GRM5: variants seen among roughly 807,000 people sequenced by gnomAD.
The protein encoded by GRM5 is glutamate metabotropic receptor 5, also known as metabotropic glutamate receptor 5.
A neutral mutation model predicts 83.1 loss-of-function variants in GRM5; 19 were observed. That is an observed-to-expected ratio of 0.23 (90% CI 0.16 to 0.34). The LOEUF (loss-of-function observed/expected upper bound fraction) is 0.34, where lower values mean the gene tolerates loss of function less well. GRM5 is among the 10% of genes least tolerant of loss of function. The pLI, the probability that GRM5 is intolerant of heterozygous loss-of-function variation, is 1.00. For missense variants in GRM5, 1,160 were observed against 1,588.3 expected (o/e 0.73, Z 4.58); for synonymous variants, 675 against 633.6 (o/e 1.07, Z -0.98).
chr11:89,004,132 G>A (rs757274471), intron 2 of GRM5, among the ~76,000 whole-genome samples: 2 of 151,846 alleles, frequency 1.3e-5, no homozygotes, highest in African/African-American at 4.9e-5. Flanking sequence ...AATAGCAGAG[G>A]TCTTCGCAAA....
intron 2 of GRM5, among the ~76,000 whole-genome samples, chr11:88,905,420 T>C (rs530560472): frequency 3.3e-5 from 5 of 152,166 alleles, no homozygotes; most frequent in Non-Finnish European, 5.9e-5. Flanking sequence ...TTCAGCTCAC[T>C]GCAGCCTCTG....
intron 2 of GRM5, among the ~76,000 whole-genome samples, chr11:88,922,647 G>C (rs1387109430): frequency 6.6e-6 from 1 of 152,056 alleles, no homozygotes; most frequent in East Asian, 1.9e-4. Flanking sequence ...TCTGGGAAAG[G>C]CTCTAAGGCA....
chr11:88,890,510 TAA>T (rs34882690), intron 2 of GRM5, among the ~76,000 whole-genome samples: 1 of 152,042 alleles, frequency 6.6e-6, no homozygotes, highest in African/African-American at 2.4e-5. Context: ...TTAATTGGCT[TAA>T]AAAATAGTGC....
intron 2 of GRM5, among the ~76,000 whole-genome samples, chr11:89,024,044 C>T (rs1179165620): frequency 1.3e-5 from 2 of 151,632 alleles, no homozygotes; most frequent in Non-Finnish European, 2.9e-5. Context: ...GGTAAAACCC[C>T]GTCTGTACTA....
At chr11:88,537,537 A>G (rs1183882236) in intron 8 of GRM5, among the ~76,000 whole-genome samples, 2 of 152,202 alleles carry the variant, frequency 1.3e-5, no homozygotes, top group Admixed American at 1.3e-4. Flanking sequence ...GATCAGAGGA[A>G]AATTCTAGAT....
At chr11:88,796,100 T>C (rs944865028) in intron 3 of GRM5, among the ~76,000 whole-genome samples, 7 of 152,166 alleles carry the variant, frequency 4.6e-5, no homozygotes, top group Admixed American at 2.6e-4. Flanking sequence ...CTATTACTGA[T>C]CTTCAGGACC....
chr11:88,711,157 G>T (rs1354044381), intron 3 of GRM5, among the ~76,000 whole-genome samples: 3 of 152,006 alleles, frequency 2.0e-5, no homozygotes, highest in Admixed American at 6.6e-5. Context: ...AGAGACCCAG[G>T]GATACGAAAG....
chr11:88,858,133 T>C (rs979842102), intron 2 of GRM5, among the ~76,000 whole-genome samples: 4 of 150,936 alleles, frequency 2.7e-5, no homozygotes, highest in African/African-American at 9.9e-5. Flanking sequence ...CATGGCATTA[T>C]TGAATCTCAT....
At chr11:88,848,744 A>G (rs2135538745) in intron 3 of GRM5, among the ~76,000 whole-genome samples, 1 of 152,308 alleles carries the variant, frequency 6.6e-6, no homozygotes, top group East Asian at 1.9e-4. Flanking sequence ...TGCCTGGGCT[A>G]TGAGTGCCCA....
At chr11:88,608,456 T>C (rs796992811) in intron 4 of GRM5, among the ~76,000 whole-genome samples, 1 of 152,058 alleles carries the variant, frequency 6.6e-6, no homozygotes. Flanking sequence ...TCTTATTATC[T>C]TGCTTATTGG....
At position 88,504,748 on chromosome 11, in the gene GRM5, A is replaced by G. The variant is rs558202556; in HGVS notation, c.*3844T>C. The G allele has an allele frequency of 1.3e-5, 2 of 152,176 alleles. No homozygotes were observed. The highest frequency in any genetic ancestry group is 4.2e-4 in the South Asian group (2 of 4,786). 9.4% of individuals were successfully genotyped at this position (152,176 alleles called of 1,614,324 possible). On this transcript the variant is annotated 3_prime_UTR_variant, in exon 10 of 10. Coordinates refer to ENST00000305447, the MANE Select transcript of GRM5 (RefSeq NM_001143831.3). The stretch of plus-strand genomic sequence containing the variant: ...CTGATAAAAATGTTAAACTTTATGA[A>G]AAAAAATCATTTGCAGTTCACATCA...
At chr11:88,533,821 T>A (rs887783143) in intron 8 of GRM5, among the ~76,000 whole-genome samples, 1 of 152,184 alleles carries the variant, frequency 6.6e-6, no homozygotes, top group South Asian at 2.1e-4. Flanking sequence ...ATCACAGATC[T>A]GGAGGCTTAG....
At chr11:88,870,854 AG>A (rs1278354858) in intron 2 of GRM5, among the ~76,000 whole-genome samples, 1 of 151,572 alleles carries the variant, frequency 6.6e-6, no homozygotes, top group East Asian at 1.9e-4. Context: ...CTTACGCCAG[AG>A]CTTTTGCTCA....
At chr11:88,907,389 C>A (rs1428613955) in intron 2 of GRM5, among the ~76,000 whole-genome samples, 2 of 151,950 alleles carry the variant, frequency 1.3e-5, no homozygotes, top group Admixed American at 1.3e-4. Context: ...GCTAGTAGTG[C>A]CACACAAGGA....
chr11:88,912,094 C>T (rs1250734434), intron 2 of GRM5: 4 of 447,736 alleles, frequency 8.9e-6, no homozygotes, highest in Non-Finnish European at 9.2e-6. Flanking sequence ...ATCTGTATAA[C>T]TTCCTAAAAT....
chr11:88,808,928 C>T (rs1049926453), intron 3 of GRM5, among the ~76,000 whole-genome samples: 1 of 151,988 alleles, frequency 6.6e-6, no homozygotes, highest in Non-Finnish European at 1.5e-5. Flanking sequence ...TGGCATTTAT[C>T]GGCATCCATG....
rs1943527087 is a variant in GRM5 at position 88,808,088 on chromosome 11, T to G, written c.911+41818A>C. On this transcript the variant is annotated intron_variant, in intron 3 of 9. Coordinates refer to ENST00000305447, the MANE Select transcript of GRM5 (RefSeq NM_001143831.3). Reference sequence around the variant, plus strand: ...TATATAATATCTACTATTCAATAATTGTGTATGTGATGGTATATATATTAC... The same window carrying G: ...TATATAATATCTACTATTCAATAATGGTGTATGTGATGGTATATATATTAC... Among the ~76,000 whole-genome samples the G allele has an allele frequency of 2.0e-5, 3 of 152,144 alleles. No homozygotes were observed. In the South Asian group the frequency reaches 6.2e-4, roughly 32 times the overall value.
chr11:88,552,685 G>A (rs1423185158), intron 8 of GRM5, among the ~76,000 whole-genome samples: 1 of 152,112 alleles, frequency 6.6e-6, no homozygotes, highest in African/African-American at 2.4e-5. Flanking sequence ...AAGAAAAGGA[G>A]GAGGAAAAAC....
In GRM5 at chr11:88,921,999, CAAATA is replaced by C. The variant is rs1228634697; in HGVS notation, c.662-71849_662-71845del. ...AAAGTAATCCCATTTACATTAGCTA[CAAATA>C]AAATAAAATCCCAAGGAAAAAACCA... On this transcript the variant is annotated intron_variant, in intron 2 of 9. Coordinates refer to ENST00000305447, the MANE Select transcript of GRM5 (RefSeq NM_001143831.3). Among the ~76,000 whole-genome samples, 13 of 151,404 alleles carry C rather than the reference CAAATA, an allele frequency of 8.6e-5. No homozygotes were observed. The East Asian group carries it at 2.3e-3, about 27-fold the overall frequency.
Sources: allele counts gnomAD v4.1 joint callset (sites outside exome capture counted in the v4.1 genomes callset), GRCh38; gene constraint gnomAD v4.1.1; transcripts MANE v1.5; gene names NCBI Gene and HGNC (gene_info 2026-07-23, HGNC 2026-07-21).